AFF2: variants seen among roughly 807,000 people sequenced by gnomAD.
The protein encoded by AFF2 is ALF transcription elongation factor 2, also known as AF4/FMR2 family member 2.
In AFF2, 14 loss-of-function variants were observed where a neutral mutation model predicts 76.9. The observed-to-expected ratio is 0.18, with a 90% confidence interval of 0.12 to 0.28. The LOEUF (loss-of-function observed/expected upper bound fraction) is 0.28. AFF2 is among the 10% of genes least tolerant of loss of function. AFF2 has a pLI of 1.00. For missense variants in AFF2, 868 were observed against 1,001.1 expected (o/e 0.87, Z 1.79); for synonymous variants, 398 against 366.7 (o/e 1.09, Z -0.98).
chrX:148,585,822 CAGA>C (rs2124363256), intron 1 of AFF2, among the ~76,000 whole-genome samples: 2 of 85,211 alleles, frequency 2.3e-5, no homozygotes, highest in African/African-American at 9.1e-5. Context: ...GGCTGGGCGA[CAGA>C]GCGAGACTGC....
At chrX:148,613,311 A>C (rs1430241770) in intron 1 of AFF2, among the ~76,000 whole-genome samples, 1 of 111,887 alleles carries the variant, frequency 8.9e-6, no homozygotes, top group Non-Finnish European at 1.9e-5. Flanking sequence ...GTCTTTATGC[A>C]CTTGGATGCA....
intron 1 of AFF2, among the ~76,000 whole-genome samples, chrX:148,617,317 A>T (rs1180657170): frequency 8.9e-6 from 1 of 112,156 alleles, no homozygotes; most frequent in African/African-American, 3.2e-5. Flanking sequence ...CATTTCTCTG[A>T]TGGCCAGTGA....
At chrX:148,821,155 T>G (rs2070323441) in intron 4 of AFF2, among the ~76,000 whole-genome samples, 1 of 111,755 alleles carries the variant, frequency 8.9e-6, no homozygotes. Flanking sequence ...TTGCTGAATG[T>G]TTTTGGGTAA....
At chrX:148,820,444 G>A (rs2070314766) in intron 4 of AFF2, among the ~76,000 whole-genome samples, 1 of 111,778 alleles carries the variant, frequency 8.9e-6, no homozygotes, top group African/African-American at 3.2e-5. Context: ...TTTAACAGTG[G>A]GAGAATAGTT....
At chrX:148,904,970 G>A (rs1603337998) in intron 9 of AFF2, among the ~76,000 whole-genome samples, 2 of 111,912 alleles carry the variant, frequency 1.8e-5, no homozygotes, top group African/African-American at 3.3e-5. Context: ...CAGCTCTGTG[G>A]CTGAGGGAGG....
intron 1 of AFF2, among the ~76,000 whole-genome samples, chrX:148,518,752 A>G (rs928315471): frequency 1.8e-5 from 2 of 112,223 alleles, no homozygotes; most frequent in Admixed American, 1.9e-4. Context: ...AAAATCCCTT[A>G]GGAGAAAAGC....
At chrX:148,885,687 G>A (rs1008410027) in intron 7 of AFF2, among the ~76,000 whole-genome samples, 3 of 111,578 alleles carry the variant, frequency 2.7e-5, no homozygotes, top group African/African-American at 9.8e-5. Context: ...AAGGTAGAGA[G>A]GGAAGATATG....
At chrX:148,547,142 G>C (rs147015707) in intron 1 of AFF2, 1 of 110,311 alleles carries the variant, frequency 9.1e-6, no homozygotes, top group East Asian at 3.0e-4. Context: ...CTTTCTTTCA[G>C]TGAAGGGTCC....
chrX:148,799,720 G>A (rs1557270783), intron 3 of AFF2, among the ~76,000 whole-genome samples: 1 of 112,079 alleles, frequency 8.9e-6, no homozygotes, highest in Non-Finnish European at 1.9e-5. Context: ...TAAAAGGAAG[G>A]CAAACATTTT....
chrX:148,564,469 A>G (rs1374573302), intron 1 of AFF2, among the ~76,000 whole-genome samples: 2 of 51,049 alleles, frequency 3.9e-5, no homozygotes, highest in Non-Finnish European at 3.8e-5. Context: ...TCTTGATTTG[A>G]AAAAAAAAAA....
At chrX:148,978,523 G>T in intron 18 of AFF2, 68 bp downstream of exon 18, 1 of 759,774 alleles carries the variant, frequency 1.3e-6, no homozygotes, top group Non-Finnish European at 2.0e-6. Context: ...CGACATGCAG[G>T]TTATCGAATG....
intron 3 of AFF2, among the ~76,000 whole-genome samples, chrX:148,737,204 G>A (rs1247183610): frequency 1.9e-4 from 21 of 111,103 alleles, no homozygotes; most frequent in Non-Finnish European, 2.8e-4. Context: ...GATTGCTTTC[G>A]GCAGTATGCT....
At chrX:148,582,535 A>G (rs1317682514) in intron 1 of AFF2, among the ~76,000 whole-genome samples, 10 of 111,820 alleles carry the variant, frequency 8.9e-5, no homozygotes, top group African/African-American at 3.2e-4. Flanking sequence ...AATCAAAACC[A>G]CAGTGAGATA....
chrX:148,797,007 A>G (rs1485640659), intron 3 of AFF2, among the ~76,000 whole-genome samples: 1 of 112,408 alleles, frequency 8.9e-6, no homozygotes, highest in Non-Finnish European at 1.9e-5. Context: ...CTACATTTTA[A>G]TGCTTCCACT....
intron 1 of AFF2, among the ~76,000 whole-genome samples, chrX:148,621,968 C>G (rs1569552279): frequency 8.9e-6 from 1 of 112,185 alleles, no homozygotes; most frequent in Non-Finnish European, 1.9e-5. Flanking sequence ...AGCATTAGGA[C>G]TATACTGCTA....
chrX:148,991,102 T>C lies in AFF2; in HGVS notation c.3815-109T>C, dbSNP rs1256391382. 6 of 844,898 alleles carry C rather than the reference T, an allele frequency of 7.1e-6. No individual in the cohort carries two copies. The African/African-American group carries it at 1.0e-4, about 15-fold the overall frequency. The allele number at this position is 844,898 out of a possible 1,213,427, so 69.6% of individuals were successfully genotyped here. A position where few individuals can be genotyped will look rare whatever the true frequency, so the allele number is the denominator to read the frequency against. On this transcript the variant is annotated intron_variant, in intron 20 of 20. Transcript: ENST00000370460. ...TGAATGAATGGACAAATGAATCACATTTCCATTGTCCATGTGGTTGTGGTG... is the reference window on the plus strand; with the variant it reads ...TGAATGAATGGACAAATGAATCACACTTCCATTGTCCATGTGGTTGTGGTG...
chrX:148,666,646 A>G (rs181665440), intron 3 of AFF2, among the ~76,000 whole-genome samples: 63 of 111,149 alleles, frequency 5.7e-4, no homozygotes, highest in African/African-American at 2.0e-3. Context: ...ACTTCATGTC[A>G]TAGAGTTTAT....
chrX:148,651,700 G>A (rs1006608236), intron 1 of AFF2, among the ~76,000 whole-genome samples: 7 of 105,268 alleles, frequency 6.6e-5, no homozygotes, highest in African/African-American at 2.1e-4. Flanking sequence ...GACTTTTGGG[G>A]AGTATGTAAT....
intron 3 of AFF2, among the ~76,000 whole-genome samples, chrX:148,758,885 T>C (rs1239307838): frequency 1.8e-5 from 2 of 111,767 alleles, no homozygotes; most frequent in African/African-American, 6.5e-5. Context: ...TTCCCAACTG[T>C]CCTGAGATTC....
Sources: gnomAD v4.1 joint callset for allele counts (sites outside exome capture counted in the v4.1 genomes callset) on GRCh38, gnomAD v4.1.1 for gene constraint, MANE v1.5 for transcripts, NCBI Gene and HGNC (gene_info 2026-07-23, HGNC 2026-07-21) for gene names.